INPP5F: variants seen among roughly 807,000 people sequenced by gnomAD.
INPP5F encodes the protein inositol polyphosphate-5-phosphatase F.
A neutral mutation model predicts 137.2 loss-of-function variants in INPP5F; 97 were observed. The observed-to-expected ratio is 0.71, with a 90% CI of 0.60 to 0.84. The LOEUF (loss-of-function observed/expected upper bound fraction) is 0.84, where lower values mean the gene tolerates loss of function less well. Among genes scored for constraint, INPP5F ranks in the 40% least tolerant of loss-of-function variants. The pLI is 0.00. For synonymous variants in INPP5F, 504 were observed against 476.9 expected (o/e 1.06, Z -0.74); for missense variants, 1,271 against 1,371.9 (o/e 0.93, Z 1.16).
chr10:119,744,029 G>A (rs1225104138), intron 1 of INPP5F, among the ~76,000 whole-genome samples: 2 of 152,020 alleles, frequency 1.3e-5, no homozygotes, highest in Admixed American at 1.3e-4. Context: ...TACGTAGAGG[G>A]GTTGAACAAA....
At chr10:119,808,140 G>A in intron 13 of INPP5F, 80 bp downstream of exon 13, 1 of 1,498,720 alleles carries the variant, frequency 6.7e-7, no homozygotes, top group East Asian at 2.3e-5. Context: ...AGAAATGTGT[G>A]TGGGTTCCAG....
chr10:119,765,755 G>A (rs1849140476), intron 2 of INPP5F, among the ~76,000 whole-genome samples: 2 of 146,926 alleles, frequency 1.4e-5, no homozygotes, highest in South Asian at 2.2e-4. Context: ...GTGTGTGTGT[G>A]TGTGTGTGTG....
Position 119,787,673 on chromosome 10 carries a change from C to A in INPP5F, c.316-3844C>A, listed in dbSNP as rs984952952. On this transcript the variant is annotated intron_variant, in intron 3 of 19. Transcript: ENST00000650623. This position sits in a 1 kb window ranked among gnomAD's most constrained non-coding sequence, Gnocchi z 4.1. The stretch of plus-strand genomic sequence containing the variant: ...GAAGGGAGGAAGGCAGGCAGGCAGG[C>A]AGGAAGGAAGGAAATGCCAAGCTTA... 7.9e-5 allele frequency among the ~76,000 whole-genome samples: 12 copies of A among 151,746 alleles called. No individual in the cohort carries two copies. Among genetic ancestry groups the A allele is most frequent in the Non-Finnish European group, 4.4e-5 (3 of 67,904 alleles).
intron 15 of INPP5F, chr10:119,815,933 CCGTGGTTAA>C (rs1181905724): frequency 9.2e-5 from 14 of 152,644 alleles, no homozygotes; most frequent in African/African-American, 3.1e-4. Flanking sequence ...TTGGTGGTCC[CCGTGGTTAA>C]CGTTTTGCTA....
At chr10:119,783,130 A>C (rs1366779719) in intron 3 of INPP5F, among the ~76,000 whole-genome samples, 1 of 152,202 alleles carries the variant, frequency 6.6e-6, no homozygotes, top group Non-Finnish European at 1.5e-5. Flanking sequence ...CAAAAAACCT[A>C]GGTGGCAATT....
At chr10:119,800,587 A>C (rs546514383) in intron 9 of INPP5F, among the ~76,000 whole-genome samples, 42 of 151,848 alleles carry the variant, frequency 2.8e-4, no homozygotes, top group African/African-American at 1.0e-3. Context: ...AAAAAACCTA[A>C]AAGTTTATTC....
chr10:119,818,276 C>T (rs1851371871), intron 15 of INPP5F, among the ~76,000 whole-genome samples: 1 of 152,250 alleles, frequency 6.6e-6, no homozygotes, highest in Admixed American at 6.5e-5. Context: ...AAACCACGGA[C>T]CTGCAGGGCC....
At position 119,827,501 on chromosome 10, in the gene INPP5F, C is replaced by T; in HGVS notation, c.3120C>T (p.Pro1040=). The change falls in exon 20 of 20, where the codon CCC becomes CCT. Residue 1040 remains proline (P), a synonymous_variant. Transcript: ENST00000650623. ...ATTCAGTTGCATCTCAAAAAACCCCCACCTCCGCTTCCAGCATGCTTGAAC... is the reference window on the plus strand; with the variant it reads ...ATTCAGTTGCATCTCAAAAAACCCCTACCTCCGCTTCCAGCATGCTTGAAC... The part of the protein sequence containing the change: ...PAHSVASQKT[P]TSASSMLELE... The T allele has an allele frequency of 6.2e-7, 1 of 1,614,208 alleles. No individual in the cohort carries two copies. The highest frequency in any genetic ancestry group is 8.5e-7 in the Non-Finnish European group (1 of 1,180,024).
At chr10:119,732,742 C>G in intron 1 of INPP5F, among the ~76,000 whole-genome samples, 1 of 152,112 alleles carries the variant, frequency 6.6e-6, no homozygotes, top group Non-Finnish European at 1.5e-5. Flanking sequence ...CTCAGATGAT[C>G]TGCCTGCCTC....
intron 2 of INPP5F, among the ~76,000 whole-genome samples, chr10:119,767,107 G>GGAAAAAAAAA (rs1275741171): frequency 2.5e-5 from 1 of 40,540 alleles, no homozygotes; most frequent in African/African-American, 1.1e-4. Flanking sequence ...TCTGTCTCCA[G>GGAAAAAAAAA]AAAAAAAAAA....
intron 6 of INPP5F, 104 bp from the exon 7 acceptor site, chr10:119,796,611 C>T (rs1468503891): frequency 2.2e-6 from 2 of 914,524 alleles, no homozygotes; most frequent in Non-Finnish European, 3.7e-6. Context: ...TGGAAGGTTT[C>T]TGCTTCTAAT....
intron 1 of INPP5F, among the ~76,000 whole-genome samples, 180 bp from the exon 2 acceptor site, chr10:119,750,896 C>T (rs1848673228): frequency 6.6e-6 from 1 of 152,210 alleles, no homozygotes; most frequent in Admixed American, 6.5e-5. Flanking sequence ...GTATCCCAAG[C>T]CTTATTCAGG....
At chr10:119,813,667 C>G (rs1002792977) in intron 15 of INPP5F, among the ~76,000 whole-genome samples, 10 of 152,010 alleles carry the variant, frequency 6.6e-5, no homozygotes, top group Admixed American at 3.3e-4. Context: ...CAAAAAAACA[C>G]TATGGTGAAA....
chr10:119,810,558 C>G (rs1393505056), intron 14 of INPP5F, among the ~76,000 whole-genome samples: 1 of 152,180 alleles, frequency 6.6e-6, no homozygotes, highest in Non-Finnish European at 1.5e-5. Context: ...TCTCATTACT[C>G]AAGGCTGAGC....
chr10:119,765,224 G>A (rs910370609), intron 2 of INPP5F, among the ~76,000 whole-genome samples: 4 of 152,094 alleles, frequency 2.6e-5, no homozygotes, highest in Non-Finnish European at 4.4e-5. Flanking sequence ...GTGAGCCACC[G>A]TGCCCAGCCT....
In INPP5F at chr10:119,827,827, A is replaced by G. The variant is rs755232953; in HGVS notation, c.*47A>G. 7.7e-7 allele frequency: 1 copy of G among 1,300,654 alleles called. No homozygotes were observed. Among genetic ancestry groups the G allele is most frequent in the Non-Finnish European group, 1.1e-6 (1 of 935,822 alleles). The allele number at this position is 1,300,654 out of a possible 1,614,324, so 80.6% of individuals were successfully genotyped here. The stretch of plus-strand genomic sequence containing the variant: ...CCATGGCTTTTATTTAAAAATATGA[A>G]ATTTTCACCTCTTGGGGTATTTTAA... On this transcript the variant is annotated 3_prime_UTR_variant, in exon 20 of 20. Transcript: ENST00000650623.
rs139926635 is a variant in INPP5F, at chr10:119,806,294, G to T, written c.1320-66G>T. ...TGCTGTTTTATTGATATACTTTAAA[G>T]AATTGTGTCTTTTGAAAACCCTATT... is the stretch of plus-strand genomic sequence containing the variant. On this transcript the variant is annotated intron_variant, in intron 11 of 19. Transcript: ENST00000650623. 4.4e-4 allele frequency: 523 copies of T among 1,182,638 alleles called. 4 individuals carry two copies. In the African/African-American group the frequency reaches 7.5e-3, roughly 17 times the overall value. 73.3% of individuals were successfully genotyped at this position (1,182,638 alleles called of 1,614,324 possible).
At chr10:119,797,326 C>G in intron 7 of INPP5F, 135 bp from the exon 8 acceptor site, 1 of 684,262 alleles carries the variant, frequency 1.5e-6, no homozygotes, top group Non-Finnish European at 2.4e-6. Flanking sequence ...TAAGTTGATA[C>G]TGTTCTGCTT....
At chr10:119,745,998 G>C (rs555013198) in intron 1 of INPP5F, among the ~76,000 whole-genome samples, 5 of 152,098 alleles carry the variant, frequency 3.3e-5, no homozygotes, top group African/African-American at 1.2e-4. Flanking sequence ...CACCGTGCCC[G>C]ACCAGGCTCA....
Sources: gnomAD v4.1 joint callset for allele counts (sites outside exome capture counted in the v4.1 genomes callset) on GRCh38, gnomAD v4.1.1 for gene constraint, Gnocchi (gnomAD v3.1) non-coding constraint, MANE v1.5 for transcripts, NCBI Gene and HGNC (gene_info 2026-07-23, HGNC 2026-07-21) for gene names.